CAMTA1: variants seen among roughly 807,000 people sequenced by gnomAD.
The protein encoded by CAMTA1 is calmodulin-binding transcription activator 1.
CAMTA1 carries 27 observed loss-of-function variants against 170.9 expected under a neutral mutation model. The observed-to-expected ratio is 0.16, with a 90% CI of 0.12 to 0.22. The LOEUF (loss-of-function observed/expected upper bound fraction) is 0.22, where lower values mean the gene tolerates loss of function less well. Ranked by LOEUF, CAMTA1 falls within the 10% of genes least tolerant of loss-of-function variation. CAMTA1 has a pLI of 1.00. For missense variants in CAMTA1, 1,619 were observed against 2,217.2 expected, an observed-to-expected ratio of 0.73 and a Z score of 5.42; for synonymous variants, 833 against 891.5, an observed-to-expected ratio of 0.93 and a Z score of 1.17.
intron 1 of CAMTA1, among the ~76,000 whole-genome samples, chr1:6,809,094 T>C (rs1296194324): frequency 6.6e-6 from 1 of 151,704 alleles, no homozygotes; most frequent in East Asian, 1.9e-4. Context: ...TGGCATGGTC[T>C]CAGCTCACTG....
chr1:7,099,551 G>A (rs1354726461), intron 4 of CAMTA1, among the ~76,000 whole-genome samples: 1 of 152,110 alleles, frequency 6.6e-6, no homozygotes, highest in Non-Finnish European at 1.5e-5. Flanking sequence ...TTCTTGATTT[G>A]TCAATTTTAG....
intron 3 of CAMTA1, among the ~76,000 whole-genome samples, chr1:6,830,532 A>T (rs1570596631): frequency 6.6e-6 from 1 of 152,056 alleles, no homozygotes; most frequent in East Asian, 1.9e-4. Context: ...TAGTAGAGAC[A>T]GGGTTTCACC....
intron 7 of CAMTA1, among the ~76,000 whole-genome samples, chr1:7,654,421 GGA>G (rs2095866292): frequency 6.6e-6 from 1 of 151,724 alleles, no homozygotes; most frequent in African/African-American, 2.4e-5. Flanking sequence ...AAGTGGTAGA[GGA>G]GAGAGGCATT....
At chr1:7,566,678 G>A (rs761902135) in intron 6 of CAMTA1, among the ~76,000 whole-genome samples, 8 of 152,178 alleles carry the variant, frequency 5.3e-5, no homozygotes, top group Non-Finnish European at 1.2e-4. Flanking sequence ...GCACCCAGAG[G>A]CCTGAGTCCC....
chr1:7,457,004 C>A (rs1296339281), intron 5 of CAMTA1, among the ~76,000 whole-genome samples: 1 of 150,378 alleles, frequency 6.6e-6, no homozygotes. Flanking sequence ...CCTCCTCCCT[C>A]CCATTCTTCC....
chr1:7,687,693 C>T (rs1187672903), intron 11 of CAMTA1, among the ~76,000 whole-genome samples: 1 of 152,216 alleles, frequency 6.6e-6, no homozygotes, highest in African/African-American at 2.4e-5. Context: ...GGTCCGTGGG[C>T]CCCAGGAGGG....
chr1:7,005,923 T>C (rs1698942373), intron 3 of CAMTA1, among the ~76,000 whole-genome samples: 1 of 152,192 alleles, frequency 6.6e-6, no homozygotes, highest in Non-Finnish European at 1.5e-5. Flanking sequence ...GTGGAGGGAT[T>C]GCTGCCCCAG....
chr1:7,245,497 A>G (rs1665622017), intron 4 of CAMTA1, among the ~76,000 whole-genome samples: 1 of 152,086 alleles, frequency 6.6e-6, no homozygotes, highest in African/African-American at 2.4e-5. Flanking sequence ...GATAATTAAA[A>G]TATAAGCTAA....
chr1:7,566,992 T>C (rs570938590), intron 6 of CAMTA1, among the ~76,000 whole-genome samples: 5 of 152,298 alleles, frequency 3.3e-5, no homozygotes, highest in African/African-American at 1.2e-4. Flanking sequence ...TGGGGACTTT[T>C]GTGTGTCCCA....
rs2095700535 is a variant in CAMTA1 at position 7,635,073 on chromosome 1, C to T, written c.511-5327C>T. 6.6e-6 allele frequency among the ~76,000 whole-genome samples: 1 copy of T among 152,200 alleles called. No homozygotes were observed. Among genetic ancestry groups the T allele is most frequent in the African/African-American group, 2.4e-5 (1 of 41,448 alleles). On this transcript the variant is annotated intron_variant, in intron 6 of 22. Coordinates refer to ENST00000303635, the MANE Select transcript of CAMTA1 (RefSeq NM_015215.4). The surrounding 1 kb of genome is among the most constrained non-coding windows in gnomAD (Gnocchi z 4.4). Reference sequence around the variant, plus strand: ...CAGACCATGCCACGGGGCTCTCTCTCCCCAGCCTTTGGCACTGACCAGGCC... The same window carrying T: ...CAGACCATGCCACGGGGCTCTCTCTTCCCAGCCTTTGGCACTGACCAGGCC...
intron 6 of CAMTA1, among the ~76,000 whole-genome samples, chr1:7,480,987 T>C (rs993301893): frequency 1.2e-4 from 18 of 152,312 alleles, no homozygotes; most frequent in African/African-American, 3.8e-4. Flanking sequence ...AGAGCATCGA[T>C]GGCTCGCCGT....
intron 3 of CAMTA1, among the ~76,000 whole-genome samples, chr1:6,928,425 G>A (rs1485154079): frequency 1.3e-5 from 2 of 152,150 alleles, no homozygotes; most frequent in Non-Finnish European, 2.9e-5. Flanking sequence ...AGGTGCTTAC[G>A]TCTTAGGGAC....
chr1:6,949,708 C>T (rs1352553368), intron 3 of CAMTA1, among the ~76,000 whole-genome samples: 1 of 152,216 alleles, frequency 6.6e-6, no homozygotes, highest in African/African-American at 2.4e-5. Context: ...CTTCTGAGCC[C>T]CAATCTTCTC....
intron 11 of CAMTA1, among the ~76,000 whole-genome samples, chr1:7,708,813 G>A (rs1259767054): frequency 6.6e-6 from 1 of 152,138 alleles, no homozygotes; most frequent in Non-Finnish European, 1.5e-5. Flanking sequence ...AATGTTTCTA[G>A]GAGTTAAAGT....
chr1:6,896,195 C>T (rs996669765), intron 3 of CAMTA1, among the ~76,000 whole-genome samples: 3 of 152,136 alleles, frequency 2.0e-5, no homozygotes, highest in African/African-American at 7.2e-5. Context: ...TTTGGGGATT[C>T]ACAGAATGCT....
intron 1 of CAMTA1, among the ~76,000 whole-genome samples, chr1:6,809,326 C>T (rs1416676335): frequency 2.0e-5 from 3 of 152,072 alleles, no homozygotes; most frequent in East Asian, 1.9e-4. Flanking sequence ...CGCGCCTGGC[C>T]GGTATCGCTG....
rs1459585378 is a variant in CAMTA1, at chr1:7,173,598, G to T, written c.303-75893G>T. On this transcript the variant is annotated intron_variant, in intron 4 of 22. Coordinates refer to ENST00000303635, the MANE Select transcript of CAMTA1 (RefSeq NM_015215.4). This position sits in a 1 kb window ranked among gnomAD's most constrained non-coding sequence, Gnocchi z 5.4. ...GATGGGGTTTTTCCATGTTGGCCAGGCTGGTCTCTTAATTCCTGACCTCAG... is the reference window on the plus strand; with the variant it reads ...GATGGGGTTTTTCCATGTTGGCCAGTCTGGTCTCTTAATTCCTGACCTCAG... 6.6e-6 allele frequency among the ~76,000 whole-genome samples: 1 copy of T among 152,060 alleles called. No individual in the cohort carries two copies. The highest frequency in any genetic ancestry group is 1.5e-5 in the Non-Finnish European group (1 of 68,014).
chr1:7,247,235 G>A (rs974329909), intron 4 of CAMTA1, among the ~76,000 whole-genome samples: 1 of 152,248 alleles, frequency 6.6e-6, no homozygotes, highest in East Asian at 1.9e-4. Flanking sequence ...TGAAAGTGCC[G>A]GATGACAGGG....
At chr1:6,916,918 C>A (rs1378932864) in intron 3 of CAMTA1, among the ~76,000 whole-genome samples, 1 of 152,164 alleles carries the variant, frequency 6.6e-6, no homozygotes, top group African/African-American at 2.4e-5. Flanking sequence ...AGGCGGAGGC[C>A]TGTTGAGGTA....
Sources: gnomAD v4.1 joint callset for allele counts (sites outside exome capture counted in the v4.1 genomes callset) on GRCh38, gnomAD v4.1.1 for gene constraint, Gnocchi (gnomAD v3.1) non-coding constraint, MANE v1.5 for transcripts, NCBI Gene and HGNC (gene_info 2026-07-23, HGNC 2026-07-21) for gene names.